The following RSPH3 variants were observed in gnomAD, a reference collection of about 807,000 sequenced individuals.
RSPH3 encodes radial spoke head protein 3 homolog.
In RSPH3, 21 loss-of-function variants were observed where a neutral mutation model predicts 43.8. That is an observed-to-expected ratio of 0.48 (90% CI 0.34 to 0.69). RSPH3 has a LOEUF of 0.69. RSPH3 is among the 30% of genes least tolerant of loss of function. The probability of loss-of-function intolerance (pLI) is 0.01; values close to 1 mark genes in which losing one functional copy is unlikely to be tolerated. For synonymous variants in RSPH3, 173 were observed against 179.8 expected, an observed-to-expected ratio of 0.96 and a Z score of 0.30; for missense variants, 487 against 516.0, an observed-to-expected ratio of 0.94 and a Z score of 0.54.
rs192631761 is a variant in RSPH3 at position 158,997,442 on chromosome 6, C to T, written c.116+1993G>A. On this transcript the variant is annotated intron_variant, in intron 1 of 7. Coordinates refer to ENST00000367069, the MANE Select transcript of RSPH3 (RefSeq NM_031924.8). ...ACATGCCACCATGCCCGGCTACTCT[C>T]CTGAACACTTAAAAAATATTTTATT... 2.0e-5 allele frequency among the ~76,000 whole-genome samples: 3 copies of T among 151,886 alleles called. No individual in the cohort carries two copies. In the East Asian group the frequency reaches 5.8e-4, roughly 29 times the overall value.
intron 1 of RSPH3, among the ~76,000 whole-genome samples, chr6:158,999,131 C>T (rs1429925750): frequency 6.6e-6 from 1 of 152,216 alleles, no homozygotes; most frequent in African/African-American, 2.4e-5. Context: ...GTGCTCAGCA[C>T]GTAGTTGGCC....
Position 158,986,191 on chromosome 6 carries a change from A to G in RSPH3, c.346+89T>C. 2.4e-6 allele frequency: 3 copies of G among 1,270,034 alleles called. No homozygotes were observed. The South Asian group carries it at 4.1e-5, about 17-fold the overall frequency. 78.7% of individuals were successfully genotyped at this position (1,270,034 alleles called of 1,614,324 possible). A position where few individuals can be genotyped will look rare whatever the true frequency, so the allele number is the denominator to read the frequency against. On this transcript the variant is annotated intron_variant, in intron 3 of 7. Transcript: ENST00000367069. ...AAGTATCAGAGAGCACAGGAGAGGC[A>G]TAAGTAATACAAAGGCCAAATAAAA...
chr6:158,985,798 TTC>T lies in RSPH3; in HGVS notation c.346+480_346+481del, dbSNP rs201972962. The stretch of plus-strand genomic sequence containing the variant: ...TGATAATAGTATATAGTCTATGTAT[TTC>T]TCTCTCTCTCTCTCTCTTTTTTTTT... On this transcript the variant is annotated intron_variant, in intron 3 of 7. Transcript: ENST00000367069. 2.0e-3 allele frequency among the ~76,000 whole-genome samples: 293 copies of T among 147,852 alleles called. 3 individuals carry two copies. Among genetic ancestry groups the T allele is most frequent in the Middle Eastern group, 6.9e-3 (2 of 288 alleles).
At chr6:158,984,303 T>C (rs1394586327) in intron 3 of RSPH3, among the ~76,000 whole-genome samples, 1 of 151,214 alleles carries the variant, frequency 6.6e-6, no homozygotes, top group Non-Finnish European at 1.5e-5. Context: ...AGACCATAGA[T>C]AGAGTTAGGC....
intron 3 of RSPH3, among the ~76,000 whole-genome samples, chr6:158,984,475 T>TATATATATATATATA (rs1778158106): frequency 3.0e-5 from 4 of 133,590 alleles, no homozygotes; most frequent in African/African-American, 1.1e-4. Flanking sequence ...TATATATATA[T>TATATATATATATATA]TTGAGTCCTA....
rs954060091 is a variant in RSPH3 at position 158,999,922 on chromosome 6, T to C, written c.-372A>G. Reference sequence around the variant, plus strand: ...GCCGCGCCACCCAGGTAGGTGCGCCTGCGCTTTGCGAGGTTCCTGGCTAGG... The same window carrying C: ...GCCGCGCCACCCAGGTAGGTGCGCCCGCGCTTTGCGAGGTTCCTGGCTAGG... On this transcript the variant is annotated 5_prime_UTR_variant, in exon 1 of 8. Transcript: ENST00000367069. 11 of 1,611,496 alleles carry C rather than the reference T, an allele frequency of 6.8e-6. No homozygotes were observed. Among genetic ancestry groups the C allele is most frequent in the Non-Finnish European group, 8.5e-7 (1 of 1,178,960 alleles).
At chr6:158,986,253 C>T in intron 3 of RSPH3, 27 bp downstream of exon 3, 1 of 1,608,336 alleles carries the variant, frequency 6.2e-7, no homozygotes, top group Non-Finnish European at 8.5e-7. Context: ...ACCAAGAGGA[C>T]ACAATGCCAA....
intron 3 of RSPH3, among the ~76,000 whole-genome samples, chr6:158,985,814 CTCTT>C (rs768851052): frequency 6.8e-6 from 1 of 146,884 alleles, no homozygotes. Flanking sequence ...CTCTCTCTCT[CTCTT>C]TTTTTTTTTT....
intron 2 of RSPH3, among the ~76,000 whole-genome samples, chr6:158,993,422 GGCTT>G (rs1778485418): frequency 3.4e-5 from 5 of 148,798 alleles, no homozygotes; most frequent in African/African-American, 1.2e-4. Flanking sequence ...GGCCAACTGG[GGCTT>G]GCTTTTTTTT....
chr6:158,971,772 C>T (rs951363624), downstream of RSPH3, among the ~76,000 whole-genome samples: 1 of 152,186 alleles, frequency 6.6e-6, no homozygotes, highest in Non-Finnish European at 1.5e-5. Flanking sequence ...CTCCGATGTC[C>T]TGGAAGATAT....
chr6:158,963,802 G>A, the RSPH3 span, among the ~76,000 whole-genome samples: 3 of 152,002 alleles, frequency 2.0e-5, no homozygotes, highest in African/African-American at 7.2e-5. Context: ...CTGTTGTCCA[G>A]GCTGGTCTCA....
chr6:158,997,271 C>CTTTTTTTTTTTTT (rs35951023), intron 1 of RSPH3, among the ~76,000 whole-genome samples: 2 of 129,102 alleles, frequency 1.5e-5, no homozygotes, highest in African/African-American at 3.0e-5. Context: ...CTCCTGAACA[C>CTTTTTTTTTTTTT]TTTTTTTTTT....
chr6:158,981,079 T>A (rs1328041915), intron 5 of RSPH3, 143 bp from the exon 6 acceptor site: 2 of 718,368 alleles, frequency 2.8e-6, no homozygotes, highest in Non-Finnish European at 4.4e-6. Flanking sequence ...ATATTTTTCA[T>A]CAAAAATTTA....
chr6:158,979,653 TTAA>T (rs5881300), intron 6 of RSPH3, among the ~76,000 whole-genome samples: 28,297 of 152,154 alleles, frequency 0.19, 2,822 homozygotes, highest in Middle Eastern at 0.3. Context: ...ACTATGTATA[TTAA>T]TAATATTTGT....
the RSPH3 span, among the ~76,000 whole-genome samples, chr6:158,967,027 T>A: frequency 6.6e-6 from 1 of 151,786 alleles, no homozygotes; most frequent in South Asian, 2.1e-4. Context: ...TTTTTTTTTT[T>A]AAAGACATGG....
intron 2 of RSPH3, chr6:158,990,588 C>T (rs1026262021): frequency 1.3e-5 from 2 of 152,010 alleles, no homozygotes; most frequent in Admixed American, 6.6e-5. Context: ...AAATCCACTG[C>T]CATTTAAATC....
intron 2 of RSPH3, among the ~76,000 whole-genome samples, chr6:158,987,144 A>G (rs1778258695): frequency 6.6e-6 from 1 of 152,108 alleles, no homozygotes; most frequent in African/African-American, 2.4e-5. Flanking sequence ...TGCTTTATAT[A>G]GTTGGGAGCT....
downstream of RSPH3, among the ~76,000 whole-genome samples, chr6:158,971,107 G>T (rs1777690150): frequency 6.6e-6 from 1 of 152,192 alleles, no homozygotes; most frequent in Non-Finnish European, 1.5e-5. Flanking sequence ...ACTGTCTGGA[G>T]ATGCGGTTTT....
At chr6:158,972,536 G>A (rs1777707166), downstream of RSPH3, among the ~76,000 whole-genome samples, 1 of 152,164 alleles carries the variant, frequency 6.6e-6, no homozygotes, top group African/African-American at 2.4e-5. Context: ...AATTATGTAT[G>A]AAGTTGGCAG....
Sources: gnomAD v4.1 joint callset for allele counts (sites outside exome capture counted in the v4.1 genomes callset) on GRCh38, gnomAD v4.1.1 for gene constraint, MANE v1.5 for transcripts, NCBI Gene and HGNC (gene_info 2026-07-23, HGNC 2026-07-21) for gene names.